Variants in ATP5F1E observed in about 807,000 individuals in gnomAD.
The protein encoded by ATP5F1E is ATP synthase F(1) complex subunit epsilon, mitochondrial.
In ATP5F1E, 5 loss-of-function variants were observed where a neutral mutation model predicts 7.0. The ratio of observed to expected loss-of-function variants is 0.71; its 90% CI spans 0.37 to 1.49. The LOEUF (loss-of-function observed/expected upper bound fraction) is 1.49. Among genes scored for constraint, ATP5F1E ranks in the 40% most tolerant of loss-of-function variants. The pLI, the probability that ATP5F1E is intolerant of heterozygous loss-of-function variation, is 0.03. For synonymous variants in ATP5F1E, 20 were observed against 20.1 expected (o/e 0.99, Z 0.02); for missense variants, 59 against 57.1 (o/e 1.03, Z -0.11).
At position 59,030,339 on chromosome 20, in the gene ATP5F1E, G is replaced by A. The variant is rs769028429; in HGVS notation, c.123C>T (p.Ser41=). 2.5e-6 allele frequency: 4 copies of A among 1,613,820 alleles called. No homozygotes were observed. Among genetic ancestry groups the A allele is most frequent in the South Asian group, 2.2e-5 (2 of 91,076 alleles). Residue 41 remains serine (S), a synonymous_variant, in exon 2 of 3, where the codon AGC becomes AGT. Coordinates refer to ENST00000243997, the MANE Select transcript of ATP5F1E (RefSeq NM_006886.4). Reference sequence around the variant, plus strand: ...TCTTTACTTTCACAATTTTTACGTTGCTGCCAGAAGTCTTCTCAGCATTTG... The same window carrying A: ...TCTTTACTTTCACAATTTTTACGTTACTGCCAGAAGTCTTCTCAGCATTTG... ...FKANAEKTSG[S]NVKIVKVKKE
intron 1 of ATP5F1E, among the ~76,000 whole-genome samples, chr20:59,031,161 T>C (rs1280359126): frequency 1.3e-5 from 2 of 152,206 alleles, no homozygotes; most frequent in African/African-American, 4.8e-5. Context: ...GAATTTATTT[T>C]GGGGACTCAG....
Position 59,027,797 on chromosome 20 carries a change from G to A in ATP5F1E, c.*1048C>T, listed in dbSNP as rs972738543. 11 of 152,260 alleles carry A rather than the reference G, an allele frequency of 7.2e-5. 1 individual carries two copies. Among genetic ancestry groups the A allele is most frequent in the South Asian group, 6.2e-4 (3 of 4,818 alleles). The allele number at this position is 152,260 out of a possible 1,614,324, so 9.4% of individuals were successfully genotyped here. ...CAGTAAAACCTACAGGTCAAGTGTCGGGACAATAAGTCATTCCCAGAAGCC... is the reference window on the plus strand; with the variant it reads ...CAGTAAAACCTACAGGTCAAGTGTCAGGACAATAAGTCATTCCCAGAAGCC... On this transcript the variant is annotated 3_prime_UTR_variant, in exon 3 of 3. Transcript: ENST00000243997.
intron 2 of ATP5F1E, chr20:59,029,283 A>C (rs747525149): frequency 6.6e-6 from 1 of 152,236 alleles, no homozygotes; most frequent in Non-Finnish European, 1.5e-5. Context: ...CTGTTAAAAC[A>C]AAACAACCCA....
chr20:59,026,593 C>T lies in ATP5F1E; in HGVS notation c.*2252G>A, dbSNP rs2091995839. The T allele has an allele frequency of 6.6e-6, 1 of 152,190 alleles. No homozygotes were observed. The highest frequency in any genetic ancestry group is 6.5e-5 in the Admixed American group (1 of 15,286). The allele number at this position is 152,190 out of a possible 1,614,324, so 9.4% of individuals were successfully genotyped here. A position where few individuals can be genotyped will look rare whatever the true frequency, so the allele number is the denominator to read the frequency against. ...GTAATCATTAAACTACAAAGTAATTCAATTTTAAATGGCAAAATTGCTTTA... is the reference window on the plus strand; with the variant it reads ...GTAATCATTAAACTACAAAGTAATTTAATTTTAAATGGCAAAATTGCTTTA... On this transcript the variant is annotated 3_prime_UTR_variant, in exon 3 of 3. Coordinates refer to ENST00000243997, the MANE Select transcript of ATP5F1E (RefSeq NM_006886.4).
rs2092038524 is a variant in ATP5F1E, at chr20:59,032,325, G to C, written c.-74C>G. ...AATGTCGGCTCAGCCGGGCGGTTCA[G>C]CCGCAGGAAGATCAGACCACAGAAG... On this transcript the variant is annotated 5_prime_UTR_variant, in exon 1 of 3. Coordinates refer to ENST00000243997, the MANE Select transcript of ATP5F1E (RefSeq NM_006886.4). The C allele has an allele frequency of 6.4e-7, 1 of 1,552,336 alleles. No individual in the cohort carries two copies. The highest frequency in any genetic ancestry group is 8.7e-7 in the Non-Finnish European group (1 of 1,145,350).
At position 59,027,077 on chromosome 20, in the gene ATP5F1E, G is replaced by C. The variant is rs558840162; in HGVS notation, c.*1768C>G. The stretch of plus-strand genomic sequence containing the variant: ...TTTAGGATTTTTTTTTAATCACGGA[G>C]AAAAGAGCCTCTAAGAATCTCTGCT... On this transcript the variant is annotated 3_prime_UTR_variant, in exon 3 of 3. Coordinates refer to ENST00000243997, the MANE Select transcript of ATP5F1E (RefSeq NM_006886.4). 6 of 152,246 alleles carry C rather than the reference G, an allele frequency of 3.9e-5. No homozygotes were observed. In the East Asian group the frequency reaches 7.7e-4, roughly 20 times the overall value. 9.4% of individuals were successfully genotyped at this position (152,246 alleles called of 1,614,324 possible). A position where few individuals can be genotyped will look rare whatever the true frequency, so the allele number is the denominator to read the frequency against.
At position 59,028,439 on chromosome 20, in the gene ATP5F1E, C is replaced by A. The variant is rs1381146471; in HGVS notation, c.*406G>T. ...TAACCATGTCATTATTCTGACATGA[C>A]AACAATTCAAAAATAAGGGACTACG... On this transcript the variant is annotated 3_prime_UTR_variant, in exon 3 of 3. Transcript: ENST00000243997. The A allele has an allele frequency of 6.6e-6, 1 of 152,118 alleles. No homozygotes were observed. The highest frequency in any genetic ancestry group is 2.1e-4 in the South Asian group (1 of 4,826). 9.4% of individuals were successfully genotyped at this position (152,118 alleles called of 1,614,324 possible). A position where few individuals can be genotyped will look rare whatever the true frequency, so the allele number is the denominator to read the frequency against.
At chr20:59,029,670 T>C (rs943424163) in intron 2 of ATP5F1E, 1 of 153,934 alleles carries the variant, frequency 6.5e-6, no homozygotes, top group African/African-American at 2.4e-5. Context: ...TCTACACTTA[T>C]CAACTGTACA....
Position 59,032,298 on chromosome 20 carries a change from G to C in ATP5F1E, c.-47C>G, listed in dbSNP as rs369316428. The C allele has an allele frequency of 6.3e-6, 10 of 1,583,776 alleles. No homozygotes were observed. The highest frequency in any genetic ancestry group is 1.8e-5 in the Admixed American group (1 of 55,382). On this transcript the variant is annotated 5_prime_UTR_variant, in exon 1 of 3. Coordinates refer to ENST00000243997, the MANE Select transcript of ATP5F1E (RefSeq NM_006886.4). The stretch of plus-strand genomic sequence containing the variant: ...GTCGGGCCGAATCGCCAAGACGCCG[G>C]CAATGTCGGCTCAGCCGGGCGGTTC...
intron 1 of ATP5F1E, among the ~76,000 whole-genome samples, chr20:59,031,429 C>G (rs572572862): frequency 6.6e-6 from 1 of 152,350 alleles, no homozygotes; most frequent in South Asian, 2.1e-4. Flanking sequence ...ACTTCGCTGG[C>G]TTGACCTCAG....
rs547862321 is a variant in ATP5F1E at position 59,026,669 on chromosome 20, T to G, written c.*2176A>C. 6.6e-6 allele frequency: 1 copy of G among 152,164 alleles called. No homozygotes were observed. The highest frequency in any genetic ancestry group is 6.5e-5 in the Admixed American group (1 of 15,280). The allele number at this position is 152,164 out of a possible 1,614,324, so 9.4% of individuals were successfully genotyped here. A position where few individuals can be genotyped will look rare whatever the true frequency, so the allele number is the denominator to read the frequency against. On this transcript the variant is annotated 3_prime_UTR_variant, in exon 3 of 3. Coordinates refer to ENST00000243997, the MANE Select transcript of ATP5F1E (RefSeq NM_006886.4). ...TTGAAGCCTAACCATCCAGACTGAGTAGTTAAAAATATTTAGAAATGCATC... is the reference window on the plus strand; with the variant it reads ...TTGAAGCCTAACCATCCAGACTGAGGAGTTAAAAATATTTAGAAATGCATC...
In ATP5F1E at chr20:59,026,985, C is replaced by T. The variant is rs1407486440; in HGVS notation, c.*1860G>A. The T allele has an allele frequency of 2.0e-5, 3 of 152,228 alleles. No individual in the cohort carries two copies. The highest frequency in any genetic ancestry group is 7.2e-5 in the African/African-American group (3 of 41,446). 9.4% of individuals were successfully genotyped at this position (152,228 alleles called of 1,614,324 possible). On this transcript the variant is annotated 3_prime_UTR_variant, in exon 3 of 3. Coordinates refer to ENST00000243997, the MANE Select transcript of ATP5F1E (RefSeq NM_006886.4). ...GTTGGTCTGACTGGGGTCACCTCATCACTGGGCACAGTCATCCTGCCAGCT... is the reference window on the plus strand; with the variant it reads ...GTTGGTCTGACTGGGGTCACCTCATTACTGGGCACAGTCATCCTGCCAGCT...
chr20:59,031,736 C>T (rs6026647), intron 1 of ATP5F1E, among the ~76,000 whole-genome samples: 60,902 of 151,916 alleles, frequency 0.4, 13,238 homozygotes, highest in East Asian at 0.78. Context: ...ATCAACAGGA[C>T]TTAAAAGTTT....
At chr20:59,028,882 T>C (rs1448040963) in intron 2 of ATP5F1E, 41 bp from the exon 3 acceptor site, 1 of 166,902 alleles carries the variant, frequency 6.0e-6, no homozygotes, top group Non-Finnish European at 1.5e-5. Context: ...GCTAGTTCTC[T>C]GTGTTTTCTT....
chr20:59,025,936 C>T lies in ATP5F1E; in HGVS notation c.*2909G>A, dbSNP rs2091992075. On this transcript the variant is annotated 3_prime_UTR_variant, in exon 3 of 3. Transcript: ENST00000243997. ...CTGTAACTTCTTAATTACAGTTTACCTATTTCTGACATGCAGCACTGCCAT... is the reference window on the plus strand; with the variant it reads ...CTGTAACTTCTTAATTACAGTTTACTTATTTCTGACATGCAGCACTGCCAT... The T allele has an allele frequency of 6.6e-6, 1 of 152,176 alleles. No individual in the cohort carries two copies. Among genetic ancestry groups the T allele is most frequent in the Non-Finnish European group, 1.5e-5 (1 of 68,038 alleles). The allele number at this position is 152,176 out of a possible 1,614,324, so 9.4% of individuals were successfully genotyped here.
intron 1 of ATP5F1E, among the ~76,000 whole-genome samples, chr20:59,031,465 T>C (rs2092028917): frequency 1.3e-5 from 2 of 152,180 alleles, no homozygotes; most frequent in Admixed American, 1.3e-4. Flanking sequence ...CGCTGTAGTG[T>C]ACCCACAAAA....
chr20:59,032,242 A>C lies in ATP5F1E; in HGVS notation c.10T>G (p.Tyr4Asp), dbSNP rs2092037165. 6.2e-7 allele frequency: 1 copy of C among 1,600,540 alleles called. No homozygotes were observed. Among genetic ancestry groups the C allele is most frequent in the African/African-American group, 1.3e-5 (1 of 74,928 alleles). Residue 4 changes from tyrosine (Y) to aspartate (D), a missense_variant, in exon 1 of 3, where the codon TAC becomes GAC. Coordinates refer to ENST00000243997, the MANE Select transcript of ATP5F1E (RefSeq NM_006886.4). Reference protein sequence around the residue: MVAYWRQAGLSYIR... With the variant: MVADWRQAGLSYIR... Reference sequence around the variant, plus strand: ...TACCTGAGTCCAGCCTGTCTCCAGTAGGCCACCATGCTGTAGCGAAAGCGG... The same window carrying C: ...TACCTGAGTCCAGCCTGTCTCCAGTCGGCCACCATGCTGTAGCGAAAGCGG...
intron 2 of ATP5F1E, 191 bp downstream of exon 2, chr20:59,030,112 A>G (rs965067550): frequency 7.5e-5 from 42 of 561,478 alleles, no homozygotes; most frequent in Non-Finnish European, 1.1e-4. Context: ...TCAGGGCCCA[A>G]GAAGACTTTC....
intron 1 of ATP5F1E, among the ~76,000 whole-genome samples, chr20:59,031,058 C>T (rs1244939943): frequency 6.6e-6 from 1 of 152,146 alleles, no homozygotes; most frequent in African/African-American, 2.4e-5. Context: ...AGATGGACTC[C>T]CATCAACACT....
Sources: gnomAD v4.1 joint callset for allele counts (sites outside exome capture counted in the v4.1 genomes callset) on GRCh38, gnomAD v4.1.1 for gene constraint, MANE v1.5 for transcripts, NCBI Gene and HGNC (gene_info 2026-07-23, HGNC 2026-07-21) for gene names.